ANGPTL6: variants seen among roughly 807,000 people sequenced by gnomAD.
The protein encoded by ANGPTL6 is angiopoietin like 6, also known as angiopoietin-related protein 6.
Under a neutral mutation model 47.4 loss-of-function variants are expected in ANGPTL6, and 45 were observed. The observed-to-expected ratio is 0.95, with a 90% CI of 0.75 to 1.22. ANGPTL6 has a LOEUF of 1.22. Among genes scored for constraint, ANGPTL6 ranks in the 50% most tolerant of loss-of-function variants. The probability of loss-of-function intolerance (pLI) is 0.00; values close to 1 mark genes in which losing one functional copy is unlikely to be tolerated. For missense variants in ANGPTL6, 698 were observed against 669.4 expected, an observed-to-expected ratio of 1.04 and a Z score of -0.47; for synonymous variants, 290 against 295.9, an observed-to-expected ratio of 0.98 and a Z score of 0.20.
chr19:10,097,769 C>T (rs1474068931), intron 1 of ANGPTL6, among the ~76,000 whole-genome samples: 2 of 152,006 alleles, frequency 1.3e-5, no homozygotes, highest in East Asian at 1.9e-4. Flanking sequence ...AGGAGAATGG[C>T]GTGAACCTGG....
rs141813004 is a variant in ANGPTL6, at chr19:10,092,715, G to A, written c.1287C>T (p.Asn429=). 3.2e-5 allele frequency: 52 copies of A among 1,613,920 alleles called. No individual in the cohort carries two copies. Among genetic ancestry groups the A allele is most frequent in the African/African-American group, 4.0e-5 (3 of 75,034 alleles). Residue 429 remains asparagine, a synonymous_variant, in exon 6 of 6, where the codon AAC becomes AAT. Coordinates refer to ENST00000253109, the MANE Select transcript of ANGPTL6 (RefSeq NM_031917.3). The part of the protein sequence containing the change: ...WYHACAHSNL[N]GVWHHGGHYR... ...AGTGGCCGCCGTGGTGCCACACACCGTTGAGGTTGGAGTGGGCACAGGCAT... is the reference window on the plus strand; with the variant it reads ...AGTGGCCGCCGTGGTGCCACACACCATTGAGGTTGGAGTGGGCACAGGCAT...
At position 10,096,406 on chromosome 19, in the gene ANGPTL6, G is replaced by A. The variant is rs1473076723; in HGVS notation, c.158C>T (p.Thr53Met). 1.7e-4 allele frequency: 227 copies of A among 1,317,612 alleles called. No homozygotes were observed. In the East Asian group the frequency reaches 6.9e-3, roughly 40 times the overall value. The allele number at this position is 1,317,612 out of a possible 1,614,324, so 81.6% of individuals were successfully genotyped here. A position where few individuals can be genotyped will look rare whatever the true frequency, so the allele number is the denominator to read the frequency against. Reference sequence around the variant, plus strand: ...CTCGCTGGCGTTGGCGGCCTCGGGCGTCGCCCGCGTGGATGCGGGGCCGCT... The same window carrying A: ...CTCGCTGGCGTTGGCGGCCTCGGGCATCGCCCGCGTGGATGCGGGGCCGCT... ...CWSGPASTRA[T>M]PEAANASELA... is the part of the protein sequence containing the mutation. The change falls in exon 2 of 6, where the codon ACG becomes ATG. Residue 53 changes from threonine to methionine, a missense_variant. Physicochemically the swap from Thr to Met is moderately conservative, Grantham distance 81. Transcript: ENST00000253109.
At chr19:10,104,081 C>CAAAA (rs33948028), upstream of ANGPTL6, among the ~76,000 whole-genome samples, 12 of 74,070 alleles carry the variant, frequency 1.6e-4, no homozygotes, top group Admixed American at 3.2e-4. Context: ...GACTCTGTCT[C>CAAAA]AAAAAAAAAA....
At chr19:10,103,814 G>C (rs1007079941), upstream of ANGPTL6, among the ~76,000 whole-genome samples, 1 of 150,946 alleles carries the variant, frequency 6.6e-6, no homozygotes, top group Non-Finnish European at 1.5e-5. Flanking sequence ...AAAATGTAAG[G>C]CTGGGCGCGG....
At chr19:10,103,292 A>G (rs2088726927), upstream of ANGPTL6, among the ~76,000 whole-genome samples, 2 of 151,958 alleles carry the variant, frequency 1.3e-5, no homozygotes, top group South Asian at 4.1e-4. Flanking sequence ...GCACGCACAC[A>G]TTAACACCCA....
In ANGPTL6 at chr19:10,096,384, G is replaced by T; in HGVS notation, c.180C>A (p.Ser60Arg). The part of the protein sequence containing the change: ...TRATPEAANA[S>R]ELAALRMRVG... ...CGCGCATGCGCAGCGCCGCCAGCTC[G>T]CTGGCGTTGGCGGCCTCGGGCGTCG... The change falls in exon 2 of 6, where the codon AGC (serine) becomes AGA (arginine). Residue 60 changes from serine (S) to arginine (R), a missense_variant. By Grantham distance (110) the Ser-to-Arg change is moderately radical. Coordinates refer to ENST00000253109, the MANE Select transcript of ANGPTL6 (RefSeq NM_031917.3). The T allele has an allele frequency of 7.7e-7, 1 of 1,300,196 alleles. No homozygotes were observed. Among genetic ancestry groups the T allele is most frequent in the African/African-American group, 1.5e-5 (1 of 64,700 alleles). 80.5% of individuals were successfully genotyped at this position (1,300,196 alleles called of 1,614,324 possible).
chr19:10,102,881 C>A (rs889116086), upstream of ANGPTL6: 27 of 665,264 alleles, frequency 4.1e-5, no homozygotes, highest in East Asian at 2.7e-4. Context: ...CCCTCCCTTT[C>A]CCCCACACCC....
chr19:10,096,207 C>A lies in ANGPTL6; in HGVS notation c.357G>T (p.Gly119=). The A allele has an allele frequency of 8.2e-7, 1 of 1,218,962 alleles. No homozygotes were observed. The highest frequency in any genetic ancestry group is 1.0e-6 in the Non-Finnish European group (1 of 979,824). 75.5% of individuals were successfully genotyped at this position (1,218,962 alleles called of 1,614,324 possible). A position where few individuals can be genotyped will look rare whatever the true frequency, so the allele number is the denominator to read the frequency against. ...QLRAQLQHEA[G]PGAGPGADLG... Reference sequence around the variant, plus strand: ...GATCCGCCCCCGGGCCCGCCCCGGGCCCCGCCTCGTGCTGCAGCTGCGCGC... The same window carrying A: ...GATCCGCCCCCGGGCCCGCCCCGGGACCCGCCTCGTGCTGCAGCTGCGCGC... Residue 119 remains glycine (G), a synonymous_variant, in exon 2 of 6, where the codon GGG becomes GGT. Transcript: ENST00000253109.
Position 10,096,129 on chromosome 19 carries a change from G to A in ANGPTL6, c.435C>T (p.Asn145=), listed in dbSNP as rs565811282. Residue 145 remains asparagine (N), a synonymous_variant, in exon 2 of 6, where the codon AAC becomes AAT. Coordinates refer to ENST00000253109, the MANE Select transcript of ANGPTL6 (RefSeq NM_031917.3). ...ALALLGERVL[N]ASAEAQRAAA... is the part of the protein sequence containing the mutation. ...CTGCGCGCTGAGCCTCGGCGGACGC[G>A]TTGAGCACGCGCTCCCCGAGCAGCG... The A allele has an allele frequency of 4.2e-5, 60 of 1,439,280 alleles. 1 individual carries two copies. The South Asian group carries it at 8.0e-4, about 19-fold the overall frequency. 89.2% of individuals were successfully genotyped at this position (1,439,280 alleles called of 1,614,324 possible).
chr19:10,092,800 C>T (rs200075423), intron 5 of ANGPTL6, 21 bp from the exon 6 acceptor site: 23 of 1,566,866 alleles, frequency 1.5e-5, no homozygotes, highest in Non-Finnish European at 1.7e-5. Context: ...AGAGAGAGTC[C>T]ATGTCCTCTC....
rs1399464800 is a variant in ANGPTL6 at position 10,096,187 on chromosome 19, G to A, written c.377C>T (p.Ala126Val). Residue 126 changes from alanine to valine, a missense_variant, in exon 2 of 6, where the codon GCG becomes GTG. Ala to Val is a moderately conservative substitution (Grantham distance 64). Transcript: ENST00000253109. ...HEAGPGAGPG[A>V]DLGAEPAAAL... ...CGCGGCAGGCTCCGCCCCCAGATCC[G>A]CCCCCGGGCCCGCCCCGGGCCCCGC... The A allele has an allele frequency of 4.0e-6, 5 of 1,247,754 alleles. No homozygotes were observed. The highest frequency in any genetic ancestry group is 4.0e-6 in the Non-Finnish European group (4 of 996,644). The allele number at this position is 1,247,754 out of a possible 1,614,324, so 77.3% of individuals were successfully genotyped here.
chr19:10,096,248 G>C lies in ANGPTL6; in HGVS notation c.316C>G (p.Arg106Gly). 1 of 1,181,366 alleles carries C rather than the reference G, an allele frequency of 8.5e-7. No individual in the cohort carries two copies. Among genetic ancestry groups the C allele is most frequent in the South Asian group, 4.1e-5 (1 of 24,208 alleles). 73.2% of individuals were successfully genotyped at this position (1,181,366 alleles called of 1,614,324 possible). Reference protein sequence around the residue: ...LRKESRGLSARLGQLRAQLQH... With the variant: ...LRKESRGLSAGLGQLRAQLQH... ...AGCTGCGCGCGCAACTGGCCCAGGCGCGCGCTCAGGCCGCGGCTCTCCTTG... is the reference window on the plus strand; with the variant it reads ...AGCTGCGCGCGCAACTGGCCCAGGCCCGCGCTCAGGCCGCGGCTCTCCTTG... Residue 106 changes from arginine (R) to glycine (G), a missense_variant, in exon 2 of 6, where the codon CGC becomes GGC. By Grantham distance (125) the Arg-to-Gly change is moderately radical. Transcript: ENST00000253109.
chr19:10,102,760 A>G (rs1214560565), upstream of ANGPTL6: 12 of 984,470 alleles, frequency 1.2e-5, no homozygotes, highest in African/African-American at 1.7e-5. Context: ...TGGGCCCAGG[A>G]GCCCAAACTA....
At chr19:10,100,467 C>T (rs1422797000) in intron 1 of ANGPTL6, among the ~76,000 whole-genome samples, 9 of 152,146 alleles carry the variant, frequency 5.9e-5, no homozygotes, top group Non-Finnish European at 1.2e-4. Context: ...AACTCCCAGG[C>T]TCAAGTGATC....
In ANGPTL6 at chr19:10,096,921, CCT is replaced by C. The variant is rs536038852; in HGVS notation, c.-10-350_-10-349del. On this transcript the variant is annotated intron_variant, in intron 1 of 5. Coordinates refer to ENST00000253109, the MANE Select transcript of ANGPTL6 (RefSeq NM_031917.3). The stretch of plus-strand genomic sequence containing the variant: ...CCAGCCTGGGCAACATGGGGAGACC[CCT>C]GTCTCTACAAAAAAAAAAAAAAAAA... Among the ~76,000 whole-genome samples, 885 of 120,832 alleles carry C rather than the reference CCT, an allele frequency of 7.3e-3. 20 individuals are homozygous for C. The highest frequency in any genetic ancestry group is 0.061 in the South Asian group (213 of 3,484). 79.3% of individuals were successfully genotyped at this position (120,832 alleles called of 152,430 possible).
rs181109012 is a variant in ANGPTL6, at chr19:10,096,733, T to C, written c.-10-160A>G. 4.2e-4 allele frequency: 222 copies of C among 531,104 alleles called. 2 individuals carry two copies. Among genetic ancestry groups the C allele is most frequent in the African/African-American group, 3.9e-3 (196 of 49,732 alleles). 32.9% of individuals were successfully genotyped at this position (531,104 alleles called of 1,614,324 possible). On this transcript the variant is annotated intron_variant, in intron 1 of 5. Coordinates refer to ENST00000253109, the MANE Select transcript of ANGPTL6 (RefSeq NM_031917.3). ...CCACGGCTGGAGGGCCCCAGGGTGATCCCACTCTGGCTTCAACACCGAGCT... is the reference window on the plus strand; with the variant it reads ...CCACGGCTGGAGGGCCCCAGGGTGACCCCACTCTGGCTTCAACACCGAGCT...
upstream of ANGPTL6, among the ~76,000 whole-genome samples, chr19:10,104,410 A>C (rs1307484457): frequency 2.7e-5 from 4 of 150,722 alleles, no homozygotes; most frequent in East Asian, 7.8e-4. Context: ...TATTTAATTA[A>C]CTATTCATGA....
At chr19:10,102,719 C>T (rs779303052), upstream of ANGPTL6, 17 of 984,566 alleles carry the variant, frequency 1.7e-5, 1 homozygote, top group Admixed American at 1.8e-4. Flanking sequence ...CACTCCCCAG[C>T]CCCCAGAGCC....
At chr19:10,101,499 G>A (rs1444013761) in intron 1 of ANGPTL6, among the ~76,000 whole-genome samples, 1 of 152,078 alleles carries the variant, frequency 6.6e-6, no homozygotes, top group Non-Finnish European at 1.5e-5. Context: ...AAGGCCCGGA[G>A]ATTGCACCCA....
Sources: gnomAD v4.1 joint callset for allele counts (sites outside exome capture counted in the v4.1 genomes callset) on GRCh38, gnomAD v4.1.1 for gene constraint, MANE v1.5 for transcripts, NCBI Gene and HGNC (gene_info 2026-07-23, HGNC 2026-07-21) for gene names.